The following CSMD3 variants were observed in gnomAD, a reference collection of about 807,000 sequenced individuals.
CSMD3 encodes CUB and Sushi multiple domains 3, also known as CUB and sushi domain-containing protein 3.
In CSMD3, 177 loss-of-function variants were observed where a neutral mutation model predicts 435.2. That is an observed-to-expected ratio of 0.41 (90% confidence interval 0.36 to 0.46). The LOEUF is 0.46. Among genes scored for constraint, CSMD3 ranks in the 20% least tolerant of loss-of-function variants. The pLI is 0.34. For synonymous variants in CSMD3, 1,656 were observed against 1,520.5 expected, an observed-to-expected ratio of 1.09 and a Z score of -2.07; for missense variants, 4,265 against 4,504.6, an observed-to-expected ratio of 0.95 and a Z score of 1.52.
At chr8:113,432,599 G>C (rs2279160) in intron 1 of CSMD3, among the ~76,000 whole-genome samples, 81,530 of 152,024 alleles carry the variant, frequency 0.54, 22,219 homozygotes, top group Admixed American at 0.68. Context: ...TGGCCTTTCC[G>C]TCGTCGTTGA....
intron 5 of CSMD3, among the ~76,000 whole-genome samples, chr8:113,051,305 A>C (rs2131327245): frequency 6.6e-6 from 1 of 152,172 alleles, no homozygotes; most frequent in Non-Finnish European, 1.5e-5. Context: ...TGTCCATTAT[A>C]ATTGCCAAAT....
At chr8:113,020,288 T>G (rs1375129509) in intron 5 of CSMD3, among the ~76,000 whole-genome samples, 1 of 152,032 alleles carries the variant, frequency 6.6e-6, no homozygotes, top group Non-Finnish European at 1.5e-5. Flanking sequence ...ATATGTAGTC[T>G]TCACATATTT....
intron 16 of CSMD3, among the ~76,000 whole-genome samples, chr8:112,668,931 AAAAAC>A (rs540916754): frequency 2.2e-4 from 34 of 152,148 alleles, no homozygotes; most frequent in South Asian, 1.2e-3. Context: ...CTAAATGTAG[AAAAAC>A]AAAACAAAAC....
intron 52 of CSMD3, 59 bp downstream of exon 52, chr8:112,304,662 C>T (rs2130775621): frequency 7.7e-7 from 1 of 1,301,464 alleles, no homozygotes; most frequent in Non-Finnish European, 1.1e-6. Context: ...GGAACTGATT[C>T]AAACAATTCG....
At chr8:113,412,440 G>C (rs2094563852) in intron 1 of CSMD3, among the ~76,000 whole-genome samples, 2 of 152,014 alleles carry the variant, frequency 1.3e-5, no homozygotes, top group Non-Finnish European at 2.9e-5. Context: ...ACAACACGTA[G>C]GCAAGGCTGC....
rs564145668 is a variant in CSMD3 at position 112,334,960 on chromosome 8, A to G, written c.7165+369T>C. ...GAATGCCAATTTTAGAAAGAGTCAC[A>G]GCAGGTTGAATAGATTAAACATTTT... is the stretch of plus-strand genomic sequence containing the variant. On this transcript the variant is annotated intron_variant, in intron 45 of 70. Coordinates refer to ENST00000297405, the MANE Select transcript of CSMD3 (RefSeq NM_198123.2). 2.0e-4 allele frequency among the ~76,000 whole-genome samples: 31 copies of G among 152,332 alleles called. 1 individual carries two copies. Among genetic ancestry groups the G allele is most frequent in the South Asian group, 6.2e-4 (3 of 4,830 alleles).
At chr8:112,546,206 G>A (rs1047381713) in intron 27 of CSMD3, among the ~76,000 whole-genome samples, 1 of 152,202 alleles carries the variant, frequency 6.6e-6, no homozygotes, top group South Asian at 2.1e-4. Context: ...ACATATTCTG[G>A]AGGCTTTAAA....
chr8:113,135,941 G>A (rs535814323), intron 4 of CSMD3, among the ~76,000 whole-genome samples: 19 of 151,864 alleles, frequency 1.3e-4, no homozygotes, highest in African/African-American at 4.6e-4. Context: ...TCTGATTATT[G>A]TTGCATTAAT....
intron 3 of CSMD3, among the ~76,000 whole-genome samples, chr8:113,242,008 A>G (rs546381706): frequency 2.5e-3 from 375 of 151,362 alleles, no homozygotes; most frequent in Admixed American, 4.5e-3. Context: ...ATATATACAT[A>G]TTTTACTAAG....
chr8:113,428,934 A>G (rs1453616769), intron 1 of CSMD3, among the ~76,000 whole-genome samples: 1 of 151,882 alleles, frequency 6.6e-6, no homozygotes, highest in East Asian at 1.9e-4. Flanking sequence ...TTTTAAACTC[A>G]TGATCATTAA....
intron 35 of CSMD3, among the ~76,000 whole-genome samples, chr8:112,392,659 C>A (rs571611682): frequency 1.3e-5 from 2 of 151,114 alleles, no homozygotes; most frequent in Non-Finnish European, 2.9e-5. Flanking sequence ...TTTCCTCATA[C>A]GTACTTTTTT....
intron 1 of CSMD3, among the ~76,000 whole-genome samples, chr8:113,428,203 GA>G (rs2094647447): frequency 7.0e-6 from 1 of 142,116 alleles, no homozygotes; most frequent in Non-Finnish European, 1.5e-5. Flanking sequence ...CCAACTGTGG[GA>G]TATCTATCTA....
chr8:113,365,121 A>T (rs547153050), intron 1 of CSMD3, among the ~76,000 whole-genome samples: 14 of 152,182 alleles, frequency 9.2e-5, no homozygotes, highest in Admixed American at 7.9e-4. Flanking sequence ...AGCTTTCCTT[A>T]AGGAAAATGA....
chr8:112,987,629 T>C (rs1021876), intron 6 of CSMD3, among the ~76,000 whole-genome samples: 103,657 of 152,100 alleles, frequency 0.68, 37,154 homozygotes, highest in East Asian at 0.95. Context: ...AGTCTCAAAA[T>C]GATCTTAACT....
chr8:112,971,436 A>AATAG (rs1490723612), intron 7 of CSMD3, among the ~76,000 whole-genome samples: 4 of 152,184 alleles, frequency 2.6e-5, no homozygotes, highest in Middle Eastern at 3.2e-3. Flanking sequence ...CTCAAAGTTG[A>AATAG]TAGTAAGCAA....
At chr8:113,005,694 A>C (rs1456449907) in intron 6 of CSMD3, among the ~76,000 whole-genome samples, 1 of 152,076 alleles carries the variant, frequency 6.6e-6, no homozygotes, top group African/African-American at 2.4e-5. Flanking sequence ...CAATTTTTAT[A>C]TAATGTAAAT....
chr8:112,878,162 T>C (rs1587552883), intron 10 of CSMD3, among the ~76,000 whole-genome samples: 1 of 152,162 alleles, frequency 6.6e-6, no homozygotes, highest in South Asian at 2.1e-4. Context: ...TTTTGCAATG[T>C]ATCCATCTGA....
intron 9 of CSMD3, among the ~76,000 whole-genome samples, chr8:112,943,877 C>T (rs1255547397): frequency 2.0e-5 from 3 of 151,618 alleles, no homozygotes; most frequent in Admixed American, 6.6e-5. Flanking sequence ...TTCTTTGCTC[C>T]CAATCCATGT....
chr8:113,409,200 A>G (rs2094547160), intron 1 of CSMD3, among the ~76,000 whole-genome samples: 1 of 147,708 alleles, frequency 6.8e-6, no homozygotes. Flanking sequence ...CTCTTGCCTC[A>G]GCTTCCTGAG....
Sources: gnomAD v4.1 joint callset for allele counts (sites outside exome capture counted in the v4.1 genomes callset) on GRCh38, gnomAD v4.1.1 for gene constraint, MANE v1.5 for transcripts, NCBI Gene and HGNC (gene_info 2026-07-23, HGNC 2026-07-21) for gene names.